CDC37L1: variants seen among roughly 807,000 people sequenced by gnomAD.
The protein encoded by CDC37L1 is hsp90 co-chaperone Cdc37-like 1.
CDC37L1 carries 32 observed loss-of-function variants against 45.9 expected under a neutral mutation model. The observed-to-expected ratio is 0.70, with a 90% CI of 0.53 to 0.94. The LOEUF (loss-of-function observed/expected upper bound fraction) is 0.94. Ranked by LOEUF, CDC37L1 falls within the 40% of genes least tolerant of loss-of-function variation. The pLI is 0.00. For missense variants in CDC37L1, 434 were observed against 405.7 expected (o/e 1.07, Z -0.60); for synonymous variants, 150 against 133.0 (o/e 1.13, Z -0.88).
At position 4,708,379 on chromosome 9, in the gene CDC37L1, TA is replaced by T. The variant is rs759800167; in HGVS notation, c.*2274del. 44 of 151,022 alleles carry T rather than the reference TA, an allele frequency of 2.9e-4. No individual in the cohort carries two copies. Among genetic ancestry groups the T allele is most frequent in the African/African-American group, 4.9e-4 (20 of 40,938 alleles). 9.4% of individuals were successfully genotyped at this position (151,022 alleles called of 1,614,324 possible). A position where few individuals can be genotyped will look rare whatever the true frequency, so the allele number is the denominator to read the frequency against. ...TCATTTGATAAAATTAATATTTGAATAAAAAAATTTTTAAATCAAATAGCTG... is the reference window on the plus strand; with the variant it reads ...TCATTTGATAAAATTAATATTTGAATAAAAAATTTTTAAATCAAATAGCTG... On this transcript the variant is annotated 3_prime_UTR_variant, in exon 7 of 7. Coordinates refer to ENST00000381854, the MANE Select transcript of CDC37L1 (RefSeq NM_017913.4).
At chr9:4,685,525 T>C (rs918467871) in intron 2 of CDC37L1, 2 of 162,092 alleles carry the variant, frequency 1.2e-5, no homozygotes, top group African/African-American at 2.4e-5. Flanking sequence ...ATCACTACTT[T>C]AGAGTTCCTT....
chr9:4,701,855 T>G lies in CDC37L1; in HGVS notation c.748-9T>G, dbSNP rs1243859508. On this transcript the variant is annotated splice_polypyrimidine_tract_variant and intron_variant, in intron 5 of 6. Coordinates refer to ENST00000381854, the MANE Select transcript of CDC37L1 (RefSeq NM_017913.4). ...ACACAGTCTTTGTTTTTTTTTTTGTTTTTTCTAGGCAGAGGAAGAAGGTTA... is the reference window on the plus strand; with the variant it reads ...ACACAGTCTTTGTTTTTTTTTTTGTGTTTTCTAGGCAGAGGAAGAAGGTTA... 1 of 1,585,334 alleles carries G rather than the reference T, an allele frequency of 6.3e-7. No homozygotes were observed. The highest frequency in any genetic ancestry group is 1.4e-5 in the African/African-American group (1 of 73,168).
chr9:4,683,002 A>G, intron 1 of CDC37L1, among the ~76,000 whole-genome samples: 1 of 143,590 alleles, frequency 7.0e-6, no homozygotes, highest in Admixed American at 7.1e-5. Flanking sequence ...ATATTAAAAT[A>G]TAATATATAT....
At chr9:4,681,991 C>T (rs77141571) in intron 1 of CDC37L1, among the ~76,000 whole-genome samples, 5,466 of 151,988 alleles carry the variant, frequency 0.036, 342 homozygotes, top group African/African-American at 0.13. Context: ...GATAGTTTGC[C>T]CAAATGGCCA....
At chr9:4,693,315 T>C (rs897373039) in intron 3 of CDC37L1, among the ~76,000 whole-genome samples, 2 of 151,846 alleles carry the variant, frequency 1.3e-5, no homozygotes, top group East Asian at 3.9e-4. Flanking sequence ...TGGAGGCTTA[T>C]ACCTGTAGTC....
intron 3 of CDC37L1, among the ~76,000 whole-genome samples, chr9:4,692,363 G>A (rs756459028): frequency 1.3e-5 from 2 of 151,364 alleles, no homozygotes; most frequent in Non-Finnish European, 2.9e-5. Flanking sequence ...TCCGCCTCCC[G>A]GGTTCAAGCG....
At chr9:4,680,269 A>G (rs1841178180) in intron 1 of CDC37L1, among the ~76,000 whole-genome samples, 1 of 152,172 alleles carries the variant, frequency 6.6e-6, no homozygotes, top group Non-Finnish European at 1.5e-5. Flanking sequence ...CAAGCACTTT[A>G]TTCTGTTAAA....
chr9:4,683,013 AT>A (rs1477115404), intron 1 of CDC37L1, among the ~76,000 whole-genome samples: 2 of 142,942 alleles, frequency 1.4e-5, no homozygotes, highest in African/African-American at 5.2e-5. Context: ...TAATATATAT[AT>A]TAAATATATA....
At chr9:4,687,538 G>T (rs372822268) in intron 2 of CDC37L1, among the ~76,000 whole-genome samples, 10 of 152,034 alleles carry the variant, frequency 6.6e-5, no homozygotes, top group East Asian at 3.9e-4. Context: ...AATTAGCTGG[G>T]TATGGTGGCT....
intron 1 of CDC37L1, 125 bp from the exon 2 acceptor site, chr9:4,684,752 T>C: frequency 1.6e-6 from 1 of 638,696 alleles, no homozygotes; most frequent in South Asian, 2.1e-5. Context: ...ACTGCAGACC[T>C]AGAACACAGG....
intron 5 of CDC37L1, among the ~76,000 whole-genome samples, chr9:4,699,298 G>T (rs1841376931): frequency 6.6e-6 from 1 of 152,172 alleles, no homozygotes. Flanking sequence ...TGACACTCAA[G>T]GGAAATACTC....
At chr9:4,703,755 CCTT>C (rs1841420109) in intron 6 of CDC37L1, among the ~76,000 whole-genome samples, 1 of 152,150 alleles carries the variant, frequency 6.6e-6, no homozygotes, top group Non-Finnish European at 1.5e-5. Flanking sequence ...AGAAGTAAGT[CCTT>C]GTTGTTATTA....
intron 1 of CDC37L1, among the ~76,000 whole-genome samples, chr9:4,680,514 C>T (rs1175819268): frequency 1.3e-5 from 2 of 152,140 alleles, no homozygotes; most frequent in African/African-American, 2.4e-5. Flanking sequence ...AAAATATATA[C>T]GCATATACTT....
At chr9:4,681,594 C>T (rs1841194366) in intron 1 of CDC37L1, among the ~76,000 whole-genome samples, 1 of 152,148 alleles carries the variant, frequency 6.6e-6, no homozygotes, top group African/African-American at 2.4e-5. Context: ...CGAGATCACA[C>T]CATTGCATTC....
At chr9:4,695,265 G>A (rs539435104) in intron 3 of CDC37L1, among the ~76,000 whole-genome samples, 3 of 152,184 alleles carry the variant, frequency 2.0e-5, no homozygotes, top group Non-Finnish European at 4.4e-5. Flanking sequence ...GCTCACTGCA[G>A]CCTCCACCAT....
intron 3 of CDC37L1, among the ~76,000 whole-genome samples, chr9:4,695,351 T>G (rs1243428963): frequency 6.6e-6 from 1 of 152,176 alleles, no homozygotes; most frequent in Non-Finnish European, 1.5e-5. Context: ...ATTCTTATAC[T>G]TTAAGAAGTA....
At chr9:4,692,442 G>C (rs754257111) in intron 3 of CDC37L1, among the ~76,000 whole-genome samples, 8 of 151,820 alleles carry the variant, frequency 5.3e-5, no homozygotes, top group South Asian at 2.1e-4. Flanking sequence ...GCTAATTTTT[G>C]TATTTTTAGT....
chr9:4,704,131 C>T (rs1486983082), intron 6 of CDC37L1, among the ~76,000 whole-genome samples: 2 of 152,196 alleles, frequency 1.3e-5, no homozygotes, highest in Non-Finnish European at 2.9e-5. Context: ...ATAATAATAA[C>T]ATCCCATTTT....
At chr9:4,689,384 T>C (rs1356521418) in intron 3 of CDC37L1, among the ~76,000 whole-genome samples, 1 of 152,144 alleles carries the variant, frequency 6.6e-6, no homozygotes, top group Non-Finnish European at 1.5e-5. Flanking sequence ...TTATTTGTAA[T>C]ATGTTCATGA....
Sources: gnomAD v4.1 joint callset for allele counts (sites outside exome capture counted in the v4.1 genomes callset) on GRCh38, gnomAD v4.1.1 for gene constraint, MANE v1.5 for transcripts, NCBI Gene and HGNC (gene_info 2026-07-23, HGNC 2026-07-21) for gene names.